Variants in CSMD1 observed in about 807,000 individuals in gnomAD.
CSMD1 encodes CUB and Sushi multiple domains 1, also known as CUB and sushi domain-containing protein 1.
Under a neutral mutation model 417.5 loss-of-function variants are expected in CSMD1, and 213 were observed. That is an observed-to-expected ratio of 0.51 (90% CI 0.46 to 0.57). The LOEUF is 0.57. Ranked by LOEUF, CSMD1 falls within the 20% of genes least tolerant of loss-of-function variation. The pLI, the probability that CSMD1 is intolerant of heterozygous loss-of-function variation, is 0.00. For synonymous variants in CSMD1, 2,862 were observed against 1,736.8 expected (o/e 1.65, Z -16.11); for missense variants, 6,923 against 4,529.7 (o/e 1.53, Z -15.17).
At chr8:4,568,564 G>T (rs1207864782) in intron 2 of CSMD1, among the ~76,000 whole-genome samples, 1 of 151,928 alleles carries the variant, frequency 6.6e-6, no homozygotes, top group Non-Finnish European at 1.5e-5. Context: ...TATACTAAAT[G>T]GTGCTGCAAT....
At chr8:4,067,493 T>A (rs1799313873) in intron 3 of CSMD1, among the ~76,000 whole-genome samples, 2 of 149,972 alleles carry the variant, frequency 1.3e-5, no homozygotes, top group Middle Eastern at 3.5e-3. Context: ...CTTTTTTTTT[T>A]AATTTCAAAA....
chr8:3,714,509 G>A (rs370223891), intron 6 of CSMD1, among the ~76,000 whole-genome samples: 6 of 131,436 alleles, frequency 4.6e-5, no homozygotes, highest in Non-Finnish European at 7.7e-5. Context: ...ATCACATGAA[G>A]TTAGGAGTTC....
chr8:4,328,877 T>C (rs1455621386), intron 3 of CSMD1, among the ~76,000 whole-genome samples: 4 of 152,220 alleles, frequency 2.6e-5, no homozygotes, highest in African/African-American at 9.6e-5. Flanking sequence ...ACTCATAAAA[T>C]GTCCTCATAA....
intron 57 of CSMD1, 69 bp downstream of exon 57, chr8:2,973,048 C>A: frequency 6.8e-7 from 1 of 1,463,006 alleles, no homozygotes; most frequent in Non-Finnish European, 9.3e-7. Context: ...TAGAATTTTG[C>A]CAGGCATTTT....
At chr8:4,345,192 A>G (rs1800709755) in intron 3 of CSMD1, among the ~76,000 whole-genome samples, 1 of 152,162 alleles carries the variant, frequency 6.6e-6, no homozygotes, top group South Asian at 2.1e-4. Flanking sequence ...AAGACATCGC[A>G]TTGATGACCA....
Position 3,641,865 on chromosome 8 carries a change from A to G in CSMD1, c.1010-25068T>C, listed in dbSNP as rs141410476. Among the ~76,000 whole-genome samples the G allele has an allele frequency of 1.2e-4, 18 of 152,312 alleles. No homozygotes were observed. The East Asian group carries it at 3.3e-3, about 28-fold the overall frequency. On this transcript the variant is annotated intron_variant, in intron 7 of 69. Coordinates refer to ENST00000635120, the MANE Select transcript of CSMD1 (RefSeq NM_033225.6). ...ATAACGTCCTATTATTGGTACAGCT[A>G]ACTTCATATAAGGTTTCGCTACATA... is the stretch of plus-strand genomic sequence containing the variant.
chr8:4,992,141 G>A (rs557536586), intron 1 of CSMD1, among the ~76,000 whole-genome samples: 3 of 152,122 alleles, frequency 2.0e-5, no homozygotes. Context: ...GGCCCGAGGC[G>A]CCCAGGACTT....
At chr8:4,396,241 C>T (rs559183340) in intron 3 of CSMD1, among the ~76,000 whole-genome samples, 11 of 151,820 alleles carry the variant, frequency 7.2e-5, no homozygotes, top group Admixed American at 5.2e-4. Context: ...GTAGGCAGAT[C>T]GCTTGAGCCC....
At chr8:4,675,319 AG>A (rs1259869837) in intron 1 of CSMD1, among the ~76,000 whole-genome samples, 1 of 152,190 alleles carries the variant, frequency 6.6e-6, no homozygotes, top group Non-Finnish European at 1.5e-5. Context: ...CAACATCAAA[AG>A]TTATTTGTAA....
intron 23 of CSMD1, among the ~76,000 whole-genome samples, chr8:3,320,292 C>T (rs142265826): frequency 3.9e-4 from 59 of 152,222 alleles, no homozygotes; most frequent in Non-Finnish European, 7.8e-4. Flanking sequence ...AATTCTGTCC[C>T]GGACTCAGCC....
chr8:4,581,478 T>C (rs906099132), intron 2 of CSMD1, among the ~76,000 whole-genome samples: 1 of 152,230 alleles, frequency 6.6e-6, no homozygotes. Flanking sequence ...TTTTTGAATA[T>C]GAGATAATCT....
At chr8:4,414,296 C>G (rs1295674419) in intron 3 of CSMD1, among the ~76,000 whole-genome samples, 1 of 152,138 alleles carries the variant, frequency 6.6e-6, no homozygotes, top group East Asian at 1.9e-4. Flanking sequence ...TAAGAGGAAG[C>G]CCCGCCCATC....
intron 5 of CSMD1, among the ~76,000 whole-genome samples, chr8:3,874,637 G>A (rs771604660): frequency 6.6e-6 from 1 of 152,012 alleles, no homozygotes; most frequent in East Asian, 1.9e-4. Flanking sequence ...ATGTTTTTTG[G>A]TTTCCAAAAG....
chr8:4,300,610 T>A (rs892412204), intron 3 of CSMD1, among the ~76,000 whole-genome samples: 7 of 152,218 alleles, frequency 4.6e-5, no homozygotes, highest in Admixed American at 1.3e-4. Context: ...TGTATACATG[T>A]GCCATGCTGG....
chr8:3,819,865 G>T (rs908221304), intron 5 of CSMD1, among the ~76,000 whole-genome samples: 8 of 152,130 alleles, frequency 5.3e-5, no homozygotes, highest in Non-Finnish European at 1.2e-4. Context: ...TTTGCAAGGG[G>T]TAAACTAAAT....
intron 3 of CSMD1, among the ~76,000 whole-genome samples, chr8:4,254,642 G>C (rs561341474): frequency 6.6e-6 from 1 of 152,220 alleles, no homozygotes; most frequent in African/African-American, 2.4e-5. Context: ...AGATTTATCT[G>C]TGGTAACTGC....
intron 69 of CSMD1, 22 bp downstream of exon 69, chr8:2,942,450 A>C: frequency 6.2e-7 from 1 of 1,603,624 alleles, no homozygotes. Context: ...ACATTCTCAA[A>C]CAGATGGTGT....
At position 4,799,598 on chromosome 8, in the gene CSMD1, C is replaced by CAAAAAAA. The variant is rs1168273531; in HGVS notation, c.86-162047_86-162041dup. On this transcript the variant is annotated intron_variant, in intron 1 of 69. Transcript: ENST00000635120. ...TGTGTGAGAGAGCAAGACTCCGTCT[C>CAAAAAAA]AAAAAAAAAAAAAAAAAAAAAAAAA... 9.2e-3 allele frequency among the ~76,000 whole-genome samples: 436 copies of CAAAAAAA among 47,176 alleles called. 39 individuals are homozygous for CAAAAAAA. Among genetic ancestry groups the CAAAAAAA allele is most frequent in the African/African-American group, 0.01 (105 of 10,028 alleles). 30.9% of individuals were successfully genotyped at this position (47,176 alleles called of 152,430 possible).
chr8:4,760,305 T>G (rs572978428), intron 1 of CSMD1, among the ~76,000 whole-genome samples: 1 of 152,344 alleles, frequency 6.6e-6, no homozygotes, highest in Admixed American at 6.5e-5. Flanking sequence ...ATAATTCTTC[T>G]AATCCTTATA....
Sources: gnomAD v4.1 joint callset for allele counts (sites outside exome capture counted in the v4.1 genomes callset) on GRCh38, gnomAD v4.1.1 for gene constraint, MANE v1.5 for transcripts, NCBI Gene and HGNC (gene_info 2026-07-23, HGNC 2026-07-21) for gene names.